The following TENM3 variants were observed in gnomAD, a reference collection of about 807,000 sequenced individuals.
The protein encoded by TENM3 is teneurin transmembrane protein 3.
A neutral mutation model predicts 255.1 loss-of-function variants in TENM3; 63 were observed. The observed-to-expected ratio is 0.25, with a 90% CI of 0.20 to 0.30. The LOEUF (loss-of-function observed/expected upper bound fraction) is 0.30. TENM3 is among the 10% of genes least tolerant of loss of function. The pLI is 1.00. For synonymous variants in TENM3, 1,306 were observed against 1,322.3 expected (o/e 0.99, Z 0.27); for missense variants, 2,929 against 3,461.1 (o/e 0.85, Z 3.86).
At chr4:182,775,615 A>C (rs927246284) in intron 24 of TENM3, among the ~76,000 whole-genome samples, 1 of 152,132 alleles carries the variant, frequency 6.6e-6, no homozygotes, top group African/African-American at 2.4e-5. Flanking sequence ...ACGCAAGGCT[A>C]GTTCACAGGC....
chr4:181,624,720 C>G, the TENM3 span, among the ~76,000 whole-genome samples: 1 of 152,196 alleles, frequency 6.6e-6, no homozygotes, highest in African/African-American at 2.4e-5. Context: ...CACCTCAAAA[C>G]TTAGTAATTA....
chr4:182,307,418 G>C (rs1257670542), intron 1 of TENM3, among the ~76,000 whole-genome samples: 1 of 152,152 alleles, frequency 6.6e-6, no homozygotes, highest in African/African-American at 2.4e-5. Context: ...GTTGCAGAAG[G>C]GTTGCCTCTG....
chr4:181,827,140 C>A, the TENM3 span, among the ~76,000 whole-genome samples: 1 of 152,162 alleles, frequency 6.6e-6, no homozygotes, highest in Admixed American at 6.5e-5. Flanking sequence ...ACAGGAAAGC[C>A]CTGAAATGGG....
At chr4:182,520,267 T>A (rs535153242) in intron 3 of TENM3, among the ~76,000 whole-genome samples, 2 of 152,256 alleles carry the variant, frequency 1.3e-5, no homozygotes, top group East Asian at 3.9e-4. Context: ...TATAAAAAAA[T>A]CAATTGTATT....
At chr4:182,548,429 C>T (rs552325481) in intron 3 of TENM3, among the ~76,000 whole-genome samples, 1 of 152,200 alleles carries the variant, frequency 6.6e-6, no homozygotes, top group African/African-American at 2.4e-5. Context: ...CTCTTAACTC[C>T]AACACAGATC....
the TENM3 span, among the ~76,000 whole-genome samples, chr4:181,568,138 G>A: frequency 6.6e-6 from 1 of 151,542 alleles, no homozygotes. Flanking sequence ...AAGGGTTGTG[G>A]GTAGTCACTC....
chr4:182,765,196 TGAG>T (rs1470986447), intron 22 of TENM3, among the ~76,000 whole-genome samples: 2 of 152,064 alleles, frequency 1.3e-5, no homozygotes, highest in African/African-American at 4.8e-5. Context: ...CGAGAGCTAT[TGAG>T]AGAGCCGAAG....
the TENM3 span, among the ~76,000 whole-genome samples, chr4:181,486,157 C>T: frequency 3.3e-5 from 5 of 152,270 alleles, no homozygotes; most frequent in East Asian, 1.9e-4. Context: ...ATTCAGACCT[C>T]GCTGCCCCAA....
chr4:182,613,798 T>G (rs1027471285), intron 4 of TENM3, among the ~76,000 whole-genome samples: 6 of 152,224 alleles, frequency 3.9e-5, no homozygotes, highest in African/African-American at 1.4e-4. Context: ...TTGCACATTT[T>G]TATGTAAAAT....
At chr4:182,055,735 A>G in the TENM3 span, among the ~76,000 whole-genome samples, 1 of 152,270 alleles carries the variant, frequency 6.6e-6, no homozygotes, top group South Asian at 2.1e-4. Flanking sequence ...ACACAAAGAC[A>G]AGTAGTTCTA....
the TENM3 span, among the ~76,000 whole-genome samples, chr4:181,768,868 C>T: frequency 6.6e-6 from 1 of 152,034 alleles, no homozygotes; most frequent in East Asian, 1.9e-4. Flanking sequence ...GAAGATGAAA[C>T]CCATCTTGCC....
chr4:182,668,482 T>A (rs186167735), intron 6 of TENM3, among the ~76,000 whole-genome samples: 15 of 152,258 alleles, frequency 9.9e-5, no homozygotes, highest in Admixed American at 5.2e-4. Context: ...GATTCTGTGG[T>A]GTTATGATTA....
chr4:181,861,536 A>G, the TENM3 span, among the ~76,000 whole-genome samples: 1 of 151,918 alleles, frequency 6.6e-6, no homozygotes, highest in Non-Finnish European at 1.5e-5. Context: ...ACCACTGCCT[A>G]TTTGTTCAAG....
At chr4:182,749,988 A>AC (rs1561197098) in intron 19 of TENM3, among the ~76,000 whole-genome samples, 3 of 46,670 alleles carry the variant, frequency 6.4e-5, no homozygotes, top group Non-Finnish European at 1.3e-4. Flanking sequence ...GAAAGGAAAA[A>AC]AAAAAAACCT....
At chr4:181,510,851 A>G in the TENM3 span, among the ~76,000 whole-genome samples, 2 of 152,262 alleles carry the variant, frequency 1.3e-5, no homozygotes, top group Non-Finnish European at 2.9e-5. Flanking sequence ...CTAATGCTCC[A>G]TGTTTCTTAA....
the TENM3 span, among the ~76,000 whole-genome samples, chr4:181,481,338 G>A: frequency 2.6e-5 from 4 of 152,028 alleles, no homozygotes; most frequent in Non-Finnish European, 5.9e-5. Context: ...TGTTTTCTAT[G>A]AGTATATGGC....
the TENM3 span, among the ~76,000 whole-genome samples, chr4:181,577,320 C>G: frequency 6.7e-6 from 1 of 150,188 alleles, no homozygotes; most frequent in South Asian, 2.1e-4. Context: ...GGATTACAGG[C>G]GTGAGCCACC....
At chr4:182,327,632 A>G (rs1029609023) in intron 2 of TENM3, among the ~76,000 whole-genome samples, 9 of 152,146 alleles carry the variant, frequency 5.9e-5, no homozygotes, top group Admixed American at 5.9e-4. Context: ...GTGTAATTTG[A>G]CGGGATCTCA....
At chr4:182,400,280 C>T (rs889641113) in intron 3 of TENM3, among the ~76,000 whole-genome samples, 2 of 152,158 alleles carry the variant, frequency 1.3e-5, no homozygotes, top group Non-Finnish European at 2.9e-5. Context: ...AAAATTTTCT[C>T]TACTGAAATT....
Sources: gnomAD v4.1 joint callset for allele counts (sites outside exome capture counted in the v4.1 genomes callset) on GRCh38, gnomAD v4.1.1 for gene constraint, MANE v1.5 for transcripts, NCBI Gene and HGNC (gene_info 2026-07-23, HGNC 2026-07-21) for gene names.